RORA: variants seen among roughly 807,000 people sequenced by gnomAD.
RORA encodes RAR related orphan receptor A.
A neutral mutation model predicts 69.5 loss-of-function variants in RORA; 7 were observed. That is an observed-to-expected ratio of 0.10 (90% CI 0.06 to 0.19). RORA has a LOEUF of 0.19. Among genes scored for constraint, RORA ranks in the 10% least tolerant of loss-of-function variants. The pLI is 1.00. For missense variants in RORA, 457 were observed against 663.0 expected (o/e 0.69, Z 3.41); for synonymous variants, 261 against 240.8 (o/e 1.08, Z -0.78).
intron 3 of RORA, among the ~76,000 whole-genome samples, chr15:60,519,243 C>T (rs1162377596): frequency 6.6e-6 from 1 of 151,768 alleles, no homozygotes; most frequent in Admixed American, 6.6e-5. Context: ...AAACAAATCC[C>T]AAATACCATT....
At chr15:61,002,494 G>A (rs1894773850) in intron 1 of RORA, among the ~76,000 whole-genome samples, 1 of 152,126 alleles carries the variant, frequency 6.6e-6, no homozygotes, top group South Asian at 2.1e-4. Context: ...TTAATCGTGG[G>A]CTTTGGGGCG....
At chr15:61,149,115 T>C (rs2079375791) in intron 1 of RORA, among the ~76,000 whole-genome samples, 2 of 152,200 alleles carry the variant, frequency 1.3e-5, no homozygotes, top group Admixed American at 1.3e-4. Flanking sequence ...TGTTAGAGAC[T>C]TCATCCATTC....
At chr15:60,722,775 G>A (rs1169793933) in intron 1 of RORA, among the ~76,000 whole-genome samples, 1 of 152,134 alleles carries the variant, frequency 6.6e-6, no homozygotes, top group African/African-American at 2.4e-5. Context: ...CCACAACCTT[G>A]GCCAGTGGAG....
chr15:60,912,832 G>GT (rs1891770361), intron 1 of RORA, among the ~76,000 whole-genome samples: 1 of 152,142 alleles, frequency 6.6e-6, no homozygotes, highest in Admixed American at 6.5e-5. Context: ...GAGAAACAGT[G>GT]TTTGGGGAAT....
chr15:60,809,672 TCA>T (rs985362924), intron 1 of RORA, among the ~76,000 whole-genome samples: 1 of 152,126 alleles, frequency 6.6e-6, no homozygotes, highest in African/African-American at 2.4e-5. Context: ...TTGCAATTTA[TCA>T]CAGTTTTGGT....
intron 1 of RORA, among the ~76,000 whole-genome samples, chr15:60,803,892 G>A (rs990328104): frequency 2.0e-5 from 3 of 152,078 alleles, no homozygotes; most frequent in Non-Finnish European, 2.9e-5. Context: ...TCTCTATTTG[G>A]AATTCTCCCC....
chr15:60,804,660 T>A lies in RORA; in HGVS notation c.167-125974A>T, dbSNP rs1358928621. Reference sequence around the variant, plus strand: ...AACGGTAGCCAAGAAGGACTACAAATATTTTTGAATTTCCACAAACGAGGG... The same window carrying A: ...AACGGTAGCCAAGAAGGACTACAAAAATTTTTGAATTTCCACAAACGAGGG... On this transcript the variant is annotated intron_variant, in intron 1 of 10. Coordinates refer to ENST00000335670, the MANE Select transcript of RORA (RefSeq NM_134261.3). Among the ~76,000 whole-genome samples the A allele has an allele frequency of 2.6e-5, 4 of 152,210 alleles. No homozygotes were observed. The South Asian group carries it at 8.3e-4, about 32-fold the overall frequency.
chr15:61,194,496 G>A (rs1008480620), intron 1 of RORA, among the ~76,000 whole-genome samples: 12 of 151,496 alleles, frequency 7.9e-5, no homozygotes, highest in Non-Finnish European at 8.8e-5. Flanking sequence ...CCGGGAGGTC[G>A]AGGTTGCAGT....
chr15:60,901,369 G>C (rs141825713), intron 1 of RORA, among the ~76,000 whole-genome samples: 2 of 152,026 alleles, frequency 1.3e-5, no homozygotes, highest in South Asian at 4.1e-4. Context: ...ATGGGGTTTC[G>C]CCATGCTGGC....
intron 1 of RORA, among the ~76,000 whole-genome samples, chr15:60,854,623 C>T (rs2073361371): frequency 1.3e-5 from 2 of 152,140 alleles, no homozygotes; most frequent in Admixed American, 1.3e-4. Flanking sequence ...AAATTAGCAA[C>T]TTGTAGCACT....
At chr15:60,802,906 A>C (rs747578504) in intron 1 of RORA, among the ~76,000 whole-genome samples, 2 of 152,224 alleles carry the variant, frequency 1.3e-5, no homozygotes, top group Admixed American at 6.5e-5. Flanking sequence ...TAAAACAGGA[A>C]GGAAAACCCT....
intron 1 of RORA, among the ~76,000 whole-genome samples, chr15:61,175,446 C>A (rs1303965580): frequency 6.6e-6 from 1 of 151,662 alleles, no homozygotes; most frequent in East Asian, 1.9e-4. Context: ...GTGACTCATA[C>A]CTATAACCCC....
chr15:61,224,788 G>A (rs4774393), intron 1 of RORA, among the ~76,000 whole-genome samples: 148,531 of 152,270 alleles, frequency 0.98, 72,551 homozygotes, highest in East Asian at 1. Flanking sequence ...ACATTCTCAC[G>A]CCTCCCTGTG....
At chr15:60,839,100 G>C (rs1285598399) in intron 1 of RORA, among the ~76,000 whole-genome samples, 1 of 151,906 alleles carries the variant, frequency 6.6e-6, no homozygotes, top group African/African-American at 2.4e-5. Flanking sequence ...GGGTTTCACC[G>C]TGTTAGCCAG....
chr15:60,968,189 T>G (rs1429551727), intron 1 of RORA, among the ~76,000 whole-genome samples: 1 of 152,220 alleles, frequency 6.6e-6, no homozygotes, highest in Non-Finnish European at 1.5e-5. Context: ...TCCCAAACTC[T>G]GAGATGCACT....
chr15:60,897,655 C>T (rs1278869150), intron 1 of RORA, among the ~76,000 whole-genome samples: 2 of 152,218 alleles, frequency 1.3e-5, no homozygotes, highest in Non-Finnish European at 2.9e-5. Flanking sequence ...AAATTGAAGC[C>T]TTTGGATTTC....
At chr15:60,554,404 T>A (rs1173280690) in intron 2 of RORA, among the ~76,000 whole-genome samples, 1 of 151,152 alleles carries the variant, frequency 6.6e-6, no homozygotes, top group Non-Finnish European at 1.5e-5. Flanking sequence ...TTTTTGGCAC[T>A]AAAAAAAAAT....
intron 1 of RORA, among the ~76,000 whole-genome samples, chr15:61,153,232 G>A (rs924132739): frequency 3.9e-5 from 6 of 152,204 alleles, no homozygotes; most frequent in South Asian, 2.1e-4. Flanking sequence ...CCAGGAGTTC[G>A]CCCTTAACCT....
At chr15:60,806,044 C>T (rs2072655679) in intron 1 of RORA, among the ~76,000 whole-genome samples, 1 of 152,182 alleles carries the variant, frequency 6.6e-6, no homozygotes, top group African/African-American at 2.4e-5. Flanking sequence ...TAAAGCCTCC[C>T]TCTTGATTGC....
Sources: gnomAD v4.1 joint callset for allele counts (sites outside exome capture counted in the v4.1 genomes callset) on GRCh38, gnomAD v4.1.1 for gene constraint, MANE v1.5 for transcripts, NCBI Gene and HGNC (gene_info 2026-07-23, HGNC 2026-07-21) for gene names.